The following PIK3C2G variants were observed in gnomAD, a reference collection of about 807,000 sequenced individuals.
PIK3C2G encodes phosphatidylinositol-4-phosphate 3-kinase catalytic subunit type 2 gamma.
PIK3C2G carries 168 observed loss-of-function variants against 181.1 expected under a neutral mutation model. The ratio of observed to expected loss-of-function variants is 0.93; its 90% CI spans 0.82 to 1.05. The LOEUF (loss-of-function observed/expected upper bound fraction) is 1.05, where lower values mean the gene tolerates loss of function less well. PIK3C2G is among the 50% of genes least tolerant of loss of function. The pLI is 0.00. For synonymous variants in PIK3C2G, 573 were observed against 592.2 expected, an observed-to-expected ratio of 0.97 and a Z score of 0.47; for missense variants, 1,869 against 1,732.8, an observed-to-expected ratio of 1.08 and a Z score of -1.40.
chr12:18,479,391 G>T (rs1939336136), intron 18 of PIK3C2G, among the ~76,000 whole-genome samples: 1 of 152,138 alleles, frequency 6.6e-6, no homozygotes, highest in South Asian at 2.1e-4. Context: ...AAGGGCTGGG[G>T]AGTCAGACAC....
At chr12:18,665,576 T>C in the PIK3C2G span, among the ~76,000 whole-genome samples, 3 of 152,094 alleles carry the variant, frequency 2.0e-5, no homozygotes, top group Non-Finnish European at 4.4e-5. Context: ...GCAGATCACC[T>C]GAGGTCGGGA....
intron 1 of PIK3C2G, among the ~76,000 whole-genome samples, chr12:18,267,544 C>T (rs1228079983): frequency 2.6e-5 from 4 of 152,170 alleles, no homozygotes; most frequent in Middle Eastern, 6.8e-3. Context: ...GAATTCTCTC[C>T]GTTGATGACT....
chr12:18,709,928 A>G, the PIK3C2G span, among the ~76,000 whole-genome samples: 1 of 151,928 alleles, frequency 6.6e-6, no homozygotes, highest in Non-Finnish European at 1.5e-5. Flanking sequence ...ATTGTAAATG[A>G]GATTTTTTCT....
intron 11 of PIK3C2G, among the ~76,000 whole-genome samples, chr12:18,348,907 C>T (rs1939943401): frequency 6.6e-6 from 1 of 152,142 alleles, no homozygotes. Context: ...CCACAGTCAT[C>T]TCAAGCTCAC....
At chr12:18,595,641 C>T (rs1262534363) in intron 30 of PIK3C2G, among the ~76,000 whole-genome samples, 1 of 151,944 alleles carries the variant, frequency 6.6e-6, no homozygotes, top group African/African-American at 2.4e-5. Flanking sequence ...CTAGTTAAAC[C>T]TTCTCTTTGG....
chr12:18,257,397 G>A (rs551457505), upstream of PIK3C2G, among the ~76,000 whole-genome samples: 55 of 152,250 alleles, frequency 3.6e-4, no homozygotes, highest in African/African-American at 1.3e-3. Flanking sequence ...ACAGTTGTGG[G>A]CTCTAGGCTG....
At chr12:18,441,702 C>A (rs1946755692) in intron 18 of PIK3C2G, among the ~76,000 whole-genome samples, 2 of 152,026 alleles carry the variant, frequency 1.3e-5, no homozygotes. Context: ...CTGTATGCAA[C>A]AAACTCAGAA....
chr12:18,708,901 G>C, the PIK3C2G span, among the ~76,000 whole-genome samples: 3 of 151,566 alleles, frequency 2.0e-5, no homozygotes, highest in Non-Finnish European at 4.4e-5. Context: ...CATAAATTTT[G>C]GATATTACTC....
intron 24 of PIK3C2G, among the ~76,000 whole-genome samples, chr12:18,507,069 G>A (rs1030699799): frequency 1.1e-4 from 16 of 149,786 alleles, no homozygotes; most frequent in East Asian, 2.0e-4. Flanking sequence ...TCATTCTGTC[G>A]CCCAGGCTAG....
intron 26 of PIK3C2G, among the ~76,000 whole-genome samples, chr12:18,561,618 G>A: frequency 6.6e-6 from 1 of 151,824 alleles, no homozygotes. Flanking sequence ...CGAACAGTAT[G>A]AAAAAAGAAG....
intron 4 of PIK3C2G, among the ~76,000 whole-genome samples, chr12:18,291,546 G>A (rs534357056): frequency 9.5e-4 from 145 of 152,194 alleles, no homozygotes; most frequent in African/African-American, 3.4e-3. Context: ...AAATTCGCCT[G>A]AGGATTTTTA....
chr12:18,427,576 A>G (rs889068518), intron 18 of PIK3C2G, among the ~76,000 whole-genome samples: 4 of 151,734 alleles, frequency 2.6e-5, no homozygotes, highest in Non-Finnish European at 4.4e-5. Context: ...CTAATTGACT[A>G]ACGATTGTTA....
At position 18,491,529 on chromosome 12, in the gene PIK3C2G, GC is replaced by G; in HGVS notation, c.2767del (p.Leu923TyrfsTer3). On this transcript the variant is annotated frameshift_variant, in exon 20 of 33. Coordinates refer to ENST00000538779, the MANE Select transcript of PIK3C2G (RefSeq NM_001288772.2). LOFTEE classifies it high-confidence loss of function. ...VNTCHLPLNP[A>X]LCIKGIDHDA... Reference sequence around the variant, plus strand: ...TACTTGTCATCTTCCTCTGAACCCTGCCCTATGTATAAAAGGGATTGATCAC... The same window carrying G: ...TACTTGTCATCTTCCTCTGAACCCTGCCTATGTATAAAAGGGATTGATCAC... 1.2e-6 allele frequency: 2 copies of G among 1,601,976 alleles called. No homozygotes were observed. Among genetic ancestry groups the G allele is most frequent in the Admixed American group, 1.7e-5 (1 of 59,906 alleles).
chr12:18,455,988 T>C (rs1478041072), intron 18 of PIK3C2G, among the ~76,000 whole-genome samples: 1 of 152,122 alleles, frequency 6.6e-6, no homozygotes, highest in African/African-American at 2.4e-5. Flanking sequence ...TTCTTTACCA[T>C]TCTGGAGTTC....
chr12:18,287,262 A>T (rs1204950415), intron 3 of PIK3C2G, among the ~76,000 whole-genome samples: 1 of 152,030 alleles, frequency 6.6e-6, no homozygotes, highest in East Asian at 1.9e-4. Context: ...CCTCTGGCTA[A>T]CCCCCAAATT....
chr12:18,582,721 A>T (rs953208925), intron 29 of PIK3C2G, among the ~76,000 whole-genome samples: 3 of 152,096 alleles, frequency 2.0e-5, no homozygotes, highest in African/African-American at 7.2e-5. Flanking sequence ...TCCCAGAGGG[A>T]GGGGTGGGCT....
chr12:18,440,691 C>T (rs1946700164), intron 18 of PIK3C2G, among the ~76,000 whole-genome samples: 1 of 151,786 alleles, frequency 6.6e-6, no homozygotes, highest in African/African-American at 2.4e-5. Context: ...GAGGGGAAGA[C>T]TAGTAGTAGA....
chr12:18,537,136 T>C (rs11044168), intron 24 of PIK3C2G, among the ~76,000 whole-genome samples: 19,912 of 152,024 alleles, frequency 0.13, 1,482 homozygotes, highest in Non-Finnish European at 0.17. Context: ...TACTGAAAGG[T>C]CTCATTAACT....
rs140468388 is a variant in PIK3C2G at position 18,255,124 on chromosome 12, G to A, written c.-79+7042G>A. Among the ~76,000 whole-genome samples the A allele has an allele frequency of 3.0e-3, 448 of 151,764 alleles. 2 individuals are homozygous for A. Among genetic ancestry groups the A allele is most frequent in the African/African-American group, 0.01 (431 of 41,468 alleles). On this transcript the variant is annotated intron_variant, in intron 1 of 11. Transcript: ENST00000535651. Reference sequence around the variant, plus strand: ...CCAGCTACTTGGGAGGCTGAGGCAGGAGAATCACTTGAACTCAGGAAGTGG... The same window carrying A: ...CCAGCTACTTGGGAGGCTGAGGCAGAAGAATCACTTGAACTCAGGAAGTGG...
Sources: gnomAD v4.1 joint callset for allele counts (sites outside exome capture counted in the v4.1 genomes callset) on GRCh38, gnomAD v4.1.1 for gene constraint, MANE v1.5 for transcripts, NCBI Gene and HGNC (gene_info 2026-07-23, HGNC 2026-07-21) for gene names.